The following CACNA2D3 variants were observed in gnomAD, a reference collection of about 807,000 sequenced individuals.
CACNA2D3 encodes the protein calcium voltage-gated channel auxiliary subunit alpha2delta 3, also known as voltage-dependent calcium channel subunit alpha-2/delta-3.
CACNA2D3 carries 60 observed loss-of-function variants against 160.6 expected under a neutral mutation model. The ratio of observed to expected loss-of-function variants is 0.37; its 90% CI spans 0.30 to 0.46. The LOEUF (loss-of-function observed/expected upper bound fraction) is 0.46. Ranked by LOEUF, CACNA2D3 falls within the 20% of genes least tolerant of loss-of-function variation. The pLI is 1.00. For missense variants in CACNA2D3, 1,205 were observed against 1,365.0 expected (o/e 0.88, Z 1.85); for synonymous variants, 558 against 492.9 (o/e 1.13, Z -1.75).
At chr3:54,624,900 G>A (rs1341803317) in intron 9 of CACNA2D3, among the ~76,000 whole-genome samples, 1 of 152,224 alleles carries the variant, frequency 6.6e-6, no homozygotes, top group Non-Finnish European at 1.5e-5. Flanking sequence ...TCACAAGCCT[G>A]ATTTCCACCG....
intron 2 of CACNA2D3, among the ~76,000 whole-genome samples, chr3:54,239,294 G>C (rs546199657): frequency 6.6e-6 from 1 of 152,208 alleles, no homozygotes; most frequent in Non-Finnish European, 1.5e-5. Flanking sequence ...TATTGTACTG[G>C]TTAAATGTGG....
intron 11 of CACNA2D3, among the ~76,000 whole-genome samples, chr3:54,652,335 C>G (rs544526451): frequency 6.6e-6 from 1 of 152,178 alleles, no homozygotes; most frequent in African/African-American, 2.4e-5. Flanking sequence ...GTAATGGAGC[C>G]CAGGAGTAGG....
At chr3:54,961,644 G>C (rs1702031496) in intron 27 of CACNA2D3, among the ~76,000 whole-genome samples, 1 of 152,082 alleles carries the variant, frequency 6.6e-6, no homozygotes, top group Non-Finnish European at 1.5e-5. Flanking sequence ...GAGAAGTTTT[G>C]TGGGCAGGTG....
intron 11 of CACNA2D3, among the ~76,000 whole-genome samples, chr3:54,744,554 C>G (rs1482896247): frequency 2.6e-5 from 4 of 152,178 alleles, no homozygotes; most frequent in Admixed American, 6.5e-5. Context: ...GTTATTATAG[C>G]TCTAGTGTTC....
At chr3:54,262,664 T>G (rs1046429265) in intron 2 of CACNA2D3, among the ~76,000 whole-genome samples, 1 of 152,176 alleles carries the variant, frequency 6.6e-6, no homozygotes, top group Non-Finnish European at 1.5e-5. Flanking sequence ...GTCGTGTGAT[T>G]AGCACTATGA....
intron 11 of CACNA2D3, among the ~76,000 whole-genome samples, chr3:54,726,923 TTAAAC>T (rs1398197369): frequency 6.6e-6 from 1 of 152,220 alleles, no homozygotes; most frequent in East Asian, 1.9e-4. Context: ...TGGGAGCTAA[TTAAAC>T]TAAAGAGCTT....
intron 13 of CACNA2D3, among the ~76,000 whole-genome samples, chr3:54,805,917 T>C (rs1489661144): frequency 6.6e-6 from 1 of 152,180 alleles, no homozygotes; most frequent in Non-Finnish European, 1.5e-5. Flanking sequence ...TCAATAAATG[T>C]AATCCAGCAT....
At chr3:54,558,712 C>T (rs2106699360) in intron 5 of CACNA2D3, among the ~76,000 whole-genome samples, 1 of 152,228 alleles carries the variant, frequency 6.6e-6, no homozygotes, top group South Asian at 2.1e-4. Flanking sequence ...GGATAATGGC[C>T]TCTGGCTCCA....
intron 2 of CACNA2D3, among the ~76,000 whole-genome samples, chr3:54,168,728 A>C (rs1379409929): frequency 6.6e-6 from 1 of 152,194 alleles, no homozygotes; most frequent in African/African-American, 2.4e-5. Flanking sequence ...ATGAATTAAC[A>C]ACTGATGCAA....
intron 13 of CACNA2D3, among the ~76,000 whole-genome samples, chr3:54,779,962 A>C (rs781622535): frequency 6.6e-6 from 1 of 152,202 alleles, no homozygotes; most frequent in Non-Finnish European, 1.5e-5. Context: ...GCACAGAGTA[A>C]GTACCCAGGA....
At chr3:54,846,909 A>C (rs759892138) in intron 17 of CACNA2D3, among the ~76,000 whole-genome samples, 5 of 152,208 alleles carry the variant, frequency 3.3e-5, no homozygotes, top group Non-Finnish European at 7.3e-5. Context: ...TTTGCCCCCA[A>C]ATTACATTAC....
intron 4 of CACNA2D3, among the ~76,000 whole-genome samples, chr3:54,432,746 T>C (rs1700008323): frequency 6.6e-6 from 1 of 152,166 alleles, no homozygotes; most frequent in Non-Finnish European, 1.5e-5. Flanking sequence ...GGCATTAATT[T>C]TAAGAAAGCC....
intron 11 of CACNA2D3, among the ~76,000 whole-genome samples, chr3:54,642,978 G>A (rs1699555976): frequency 6.6e-6 from 1 of 152,100 alleles, no homozygotes; most frequent in African/African-American, 2.4e-5. Flanking sequence ...AAGTTTCTCA[G>A]TGGGCACCAG....
At chr3:54,469,658 G>A (rs1027712588) in intron 4 of CACNA2D3, among the ~76,000 whole-genome samples, 8 of 151,952 alleles carry the variant, frequency 5.3e-5, no homozygotes, top group African/African-American at 1.2e-4. Flanking sequence ...GTTCTAACCC[G>A]ATACAAGGAA....
intron 11 of CACNA2D3, among the ~76,000 whole-genome samples, chr3:54,672,923 A>C (rs1055080141): frequency 6.6e-6 from 1 of 152,228 alleles, no homozygotes; most frequent in African/African-American, 2.4e-5. Context: ...AATGACGATG[A>C]CATTGTTACT....
At chr3:54,987,237 G>C (rs889753192) in intron 30 of CACNA2D3, among the ~76,000 whole-genome samples, 2 of 152,286 alleles carry the variant, frequency 1.3e-5, no homozygotes, top group Middle Eastern at 3.4e-3. Context: ...TGATGAAGTG[G>C]ACTGCTGTAT....
At chr3:54,350,968 G>GTGTTTTTTTTTTTTTTTTTTTTTTTT (rs1698542910) in intron 3 of CACNA2D3, among the ~76,000 whole-genome samples, 1 of 56,106 alleles carries the variant, frequency 1.8e-5, no homozygotes, top group Non-Finnish European at 3.5e-5. Context: ...TCTTGAGTCT[G>GTGTTTTTTTTTTTTTTTTTTTTTTTT]TTTTTTTTTT....
chr3:54,535,367 A>G (rs1216102479), intron 5 of CACNA2D3, among the ~76,000 whole-genome samples: 2 of 152,252 alleles, frequency 1.3e-5, no homozygotes, highest in African/African-American at 2.4e-5. Flanking sequence ...ATTTAAATGA[A>G]TAAGCAAATA....
In CACNA2D3 at chr3:54,895,520, G is replaced by T. The variant is rs1475960219; in HGVS notation, c.2247-1229G>T. Among the ~76,000 whole-genome samples, 8 of 152,204 alleles carry T rather than the reference G, an allele frequency of 5.3e-5. No individual in the cohort carries two copies. The East Asian group carries it at 1.5e-3, about 29-fold the overall frequency. On this transcript the variant is annotated intron_variant, in intron 25 of 37. Coordinates refer to ENST00000474759, the MANE Select transcript of CACNA2D3 (RefSeq NM_018398.3). Reference sequence around the variant, plus strand: ...TGGTTAGACACACCCTGCAACTACTGAATGCTTTCCTGAACTGGGTGCCAA... The same window carrying T: ...TGGTTAGACACACCCTGCAACTACTTAATGCTTTCCTGAACTGGGTGCCAA...
Sources: allele counts gnomAD v4.1 joint callset (sites outside exome capture counted in the v4.1 genomes callset), GRCh38; gene constraint gnomAD v4.1.1; transcripts MANE v1.5; gene names NCBI Gene and HGNC (gene_info 2026-07-23, HGNC 2026-07-21).